Variants in TNFSF12 observed in about 807,000 individuals in gnomAD.
The protein encoded by TNFSF12 is tumor necrosis factor ligand superfamily member 12.
In TNFSF12, 16 loss-of-function variants were observed where a neutral mutation model predicts 31.2. The observed-to-expected ratio is 0.51, with a 90% confidence interval of 0.35 to 0.78. TNFSF12 has a LOEUF of 0.78. Ranked by LOEUF, TNFSF12 falls within the 30% of genes least tolerant of loss-of-function variation. TNFSF12 has a pLI of 0.01. For synonymous variants in TNFSF12, 150 were observed against 151.4 expected, an observed-to-expected ratio of 0.99 and a Z score of 0.07; for missense variants, 324 against 338.8, an observed-to-expected ratio of 0.96 and a Z score of 0.34.
chr17:7,552,655 T>C (rs918958383), intron 5 of TNFSF12, among the ~76,000 whole-genome samples: 3 of 151,928 alleles, frequency 2.0e-5, no homozygotes, highest in Non-Finnish European at 4.4e-5. Context: ...AGCCACAGGA[T>C]TGGGTGAGAC....
intron 5 of TNFSF12, chr17:7,553,931 G>A: frequency 2.0e-6 from 2 of 997,624 alleles, no homozygotes; most frequent in Non-Finnish European, 1.2e-6. Flanking sequence ...GAGGAGAAAT[G>A]GTACAAAATC....
At position 7,550,258 on chromosome 17, in the gene TNFSF12, GA is replaced by G; in HGVS notation, c.283+66del. On this transcript the variant is annotated intron_variant, in intron 3 of 6. Coordinates refer to ENST00000293825, the MANE Select transcript of TNFSF12 (RefSeq NM_003809.3). The surrounding 1 kb of genome is among the most constrained non-coding windows in gnomAD (Gnocchi z 4.4). ...GAGCAAAAACCATTATCCACAGGGAGAAACTGAGGCACGGAGGGTGAAAGGA... is the reference window on the plus strand; with the variant it reads ...GAGCAAAAACCATTATCCACAGGGAGAACTGAGGCACGGAGGGTGAAAGGA... The G allele has an allele frequency of 6.2e-7, 1 of 1,611,778 alleles. No individual in the cohort carries two copies. The highest frequency in any genetic ancestry group is 8.5e-7 in the Non-Finnish European group (1 of 1,178,636).
chr17:7,550,290 G>C lies in TNFSF12; in HGVS notation c.283+95G>C. The C allele has an allele frequency of 6.3e-7, 1 of 1,579,590 alleles. No individual in the cohort carries two copies. The highest frequency in any genetic ancestry group is 8.7e-7 in the Non-Finnish European group (1 of 1,155,978). ...AGGCACGGAGGGTGAAAGGAGTTCA[G>C]AGTCATGCAGCTAACCAGCCAAGAC... On this transcript the variant is annotated intron_variant, in intron 3 of 6. Transcript: ENST00000293825. The surrounding 1 kb of genome is among the most constrained non-coding windows in gnomAD (Gnocchi z 4.4).
rs775645074 is a variant in TNFSF12 at position 7,550,580 on chromosome 17, A to G, written c.284-219A>G. Among the ~76,000 whole-genome samples the G allele has an allele frequency of 6.6e-6, 1 of 151,908 alleles. No individual in the cohort carries two copies. Among genetic ancestry groups the G allele is most frequent in the Non-Finnish European group, 1.5e-5 (1 of 67,922 alleles). On this transcript the variant is annotated intron_variant, in intron 3 of 6. Transcript: ENST00000293825. The surrounding 1 kb of genome is among the most constrained non-coding windows in gnomAD (Gnocchi z 4.4). ...CCCCACCTGTTATCTCGGTGTGATT[A>G]ATAGCAGCTTCCCGTTTTGCTCTCA...
At chr17:7,555,735 G>A (rs2071053709) in intron 5 of TNFSF12, among the ~76,000 whole-genome samples, 1 of 152,052 alleles carries the variant, frequency 6.6e-6, no homozygotes, top group African/African-American at 2.4e-5. Context: ...TAAAGGAGAG[G>A]GAGGCTTGAA....
chr17:7,553,702 C>T, intron 5 of TNFSF12: 1 of 1,300,630 alleles, frequency 7.7e-7, no homozygotes, highest in Non-Finnish European at 1.0e-6. Flanking sequence ...GGCGAGGTGG[C>T]TGGTGCAGGG....
At chr17:7,553,876 C>A in intron 5 of TNFSF12, 3 of 1,082,166 alleles carry the variant, frequency 2.8e-6, no homozygotes, top group Non-Finnish European at 2.3e-6. Context: ...TGCTCGATGA[C>A]TTCTAGGTCC....
chr17:7,556,757 T>A, intron 5 of TNFSF12, 21 bp from the exon 6 acceptor site: 1 of 1,491,160 alleles, frequency 6.7e-7, no homozygotes, highest in South Asian at 1.4e-5. Context: ...CGTTTCCTTA[T>A]CTCTGAGCAT....
intron 6 of TNFSF12, 78 bp downstream of exon 6, chr17:7,556,980 C>T (rs141450001): frequency 9.1e-6 from 14 of 1,530,892 alleles, no homozygotes; most frequent in Non-Finnish European, 1.2e-5. Context: ...GGACAAGCTA[C>T]AGGGCTGGGA....
In TNFSF12 at chr17:7,557,830, T is replaced by G. The variant is rs775870516; in HGVS notation, c.*480T>G. 1 of 157,146 alleles carries G rather than the reference T, an allele frequency of 6.4e-6. No individual in the cohort carries two copies. The highest frequency in any genetic ancestry group is 6.4e-5 in the Admixed American group (1 of 15,648). 9.7% of individuals were successfully genotyped at this position (157,146 alleles called of 1,614,324 possible). A position where few individuals can be genotyped will look rare whatever the true frequency, so the allele number is the denominator to read the frequency against. ...TCCCTGTGGATTTTTAAAACAGATA[T>G]TATTTTTATTATTATTGTGACAAAA... On this transcript the variant is annotated 3_prime_UTR_variant, in exon 7 of 7. Transcript: ENST00000293825. The surrounding 1 kb of genome is among the most constrained non-coding windows in gnomAD (Gnocchi z 5.2).
Position 7,557,033 on chromosome 17 carries a change from G to T in TNFSF12, c.499-66G>T. ...GGTGGGATGGGATGCCTGCGTCGCTGAGGAAATTGGAAATTGAGGCGAGGG... is the reference window on the plus strand; with the variant it reads ...GGTGGGATGGGATGCCTGCGTCGCTTAGGAAATTGGAAATTGAGGCGAGGG... On this transcript the variant is annotated intron_variant, in intron 6 of 6. Coordinates refer to ENST00000293825, the MANE Select transcript of TNFSF12 (RefSeq NM_003809.3). The surrounding 1 kb of genome is among the most constrained non-coding windows in gnomAD (Gnocchi z 5.2). 6.4e-7 allele frequency: 1 copy of T among 1,556,850 alleles called. No individual in the cohort carries two copies. The highest frequency in any genetic ancestry group is 1.2e-5 in the South Asian group (1 of 82,646).
intron 5 of TNFSF12, among the ~76,000 whole-genome samples, chr17:7,554,462 C>A (rs11871475): frequency 0.33 from 48,474 of 147,934 alleles, 8,266 homozygotes; most frequent in Middle Eastern, 0.57. Context: ...TACAGGCGCC[C>A]GCCACCACGC....
chr17:7,557,143 G>C lies in TNFSF12; in HGVS notation c.543G>C (p.Leu181Phe). 1 of 1,613,842 alleles carries C rather than the reference G, an allele frequency of 6.2e-7. No individual in the cohort carries two copies. The highest frequency in any genetic ancestry group is 8.5e-7 in the Non-Finnish European group (1 of 1,179,950). Residue 181 changes from leucine (L) to phenylalanine (F), a missense_variant, in exon 7 of 7, where the codon TTG becomes TTC. Coordinates refer to ENST00000293825, the MANE Select transcript of TNFSF12 (RefSeq NM_003809.3). This position sits in a 1 kb window ranked among gnomAD's most constrained non-coding sequence, Gnocchi z 5.2. ...AGGCTGTCTACCTGAAGCTGGACTT[G>C]CTGGTGGATGGTGTGCTGGCCCTGC... ...EGKAVYLKLD[L>F]LVDGVLALRC...
At position 7,555,973 on chromosome 17, in the gene TNFSF12, G is replaced by GTTTTTTTTT. The variant is rs59248137; in HGVS notation, c.374-797_374-796insTTTTTTTTT. On this transcript the variant is annotated intron_variant, in intron 5 of 6. Transcript: ENST00000293825. ...GTGGAAATAAAAATGCCCAGTGAGC[G>GTTTTTTTTT]TTTTTTTTGTTTTTTTTTTTTTTTG... Among the ~76,000 whole-genome samples, 106 of 70,830 alleles carry GTTTTTTTTT rather than the reference G, an allele frequency of 1.5e-3. 10 individuals are homozygous for GTTTTTTTTT. The highest frequency in any genetic ancestry group is 1.9e-3 in the Non-Finnish European group (72 of 38,412). 46.5% of individuals were successfully genotyped at this position (70,830 alleles called of 152,430 possible). A position where few individuals can be genotyped will look rare whatever the true frequency, so the allele number is the denominator to read the frequency against.
chr17:7,555,482 G>C (rs1027307026), intron 5 of TNFSF12, among the ~76,000 whole-genome samples: 1 of 152,200 alleles, frequency 6.6e-6, no homozygotes, highest in Non-Finnish European at 1.5e-5. Context: ...CAGGCCACAC[G>C]GTGGCATGTG....
Position 7,549,420 on chromosome 17 carries a change from A to C in TNFSF12, c.160-54A>C, listed in dbSNP as rs2070973380. ...GGCAAGGGGAAGGGAGGATGGGTGG[A>C]GGGTGAGATGTCAGGTGGAGCGGCA... On this transcript the variant is annotated intron_variant, in intron 1 of 6. Coordinates refer to ENST00000293825, the MANE Select transcript of TNFSF12 (RefSeq NM_003809.3). This position sits in a 1 kb window ranked among gnomAD's most constrained non-coding sequence, Gnocchi z 4.1. The C allele has an allele frequency of 6.9e-7, 1 of 1,445,814 alleles. No individual in the cohort carries two copies. The highest frequency in any genetic ancestry group is 9.2e-7 in the Non-Finnish European group (1 of 1,085,144). 89.6% of individuals were successfully genotyped at this position (1,445,814 alleles called of 1,614,324 possible). A position where few individuals can be genotyped will look rare whatever the true frequency, so the allele number is the denominator to read the frequency against.
chr17:7,553,932 G>A, intron 5 of TNFSF12: 2 of 993,754 alleles, frequency 2.0e-6, no homozygotes, highest in Non-Finnish European at 2.4e-6. Context: ...AGGAGAAATG[G>A]TACAAAATCT....
rs1220461661 is a variant in TNFSF12 at position 7,549,086 on chromosome 17, TC to T, written c.-63del. ...TCCCCGGCCCGATCCGCCCGCCGGCTCCCCCTCCCCCGATCCCTCGGGTCCC... is the reference window on the plus strand; with the variant it reads ...TCCCCGGCCCGATCCGCCCGCCGGCTCCCCTCCCCCGATCCCTCGGGTCCC... On this transcript the variant is annotated 5_prime_UTR_variant, in exon 1 of 7. Transcript: ENST00000293825. The surrounding 1 kb of genome is among the most constrained non-coding windows in gnomAD (Gnocchi z 4.1). 4 of 1,191,852 alleles carry T rather than the reference TC, an allele frequency of 3.4e-6. No individual in the cohort carries two copies. The highest frequency in any genetic ancestry group is 4.2e-6 in the Non-Finnish European group (4 of 959,986). The allele number at this position is 1,191,852 out of a possible 1,614,324, so 73.8% of individuals were successfully genotyped here. A position where few individuals can be genotyped will look rare whatever the true frequency, so the allele number is the denominator to read the frequency against.
chr17:7,553,588 T>C (rs752712027), intron 5 of TNFSF12: 95 of 1,256,656 alleles, frequency 7.6e-5, no homozygotes, highest in Non-Finnish European at 9.9e-5. Flanking sequence ...ATTTTACAGA[T>C]GGAGGTTACA....
Sources: gnomAD v4.1 joint callset for allele counts (sites outside exome capture counted in the v4.1 genomes callset) on GRCh38, gnomAD v4.1.1 for gene constraint, Gnocchi (gnomAD v3.1) non-coding constraint, MANE v1.5 for transcripts, NCBI Gene and HGNC (gene_info 2026-07-23, HGNC 2026-07-21) for gene names.